The following ANKMY2 variants were observed in gnomAD, a reference collection of about 807,000 sequenced individuals.
ANKMY2 encodes ankyrin repeat and MYND domain-containing protein 2.
A neutral mutation model predicts 50.4 loss-of-function variants in ANKMY2; 36 were observed. That is an observed-to-expected ratio of 0.71 (90% CI 0.55 to 0.94). The LOEUF is 0.94. Among genes scored for constraint, ANKMY2 ranks in the 40% least tolerant of loss-of-function variants. The pLI, the probability that ANKMY2 is intolerant of heterozygous loss-of-function variation, is 0.00. For synonymous variants in ANKMY2, 187 were observed against 178.8 expected, an observed-to-expected ratio of 1.05 and a Z score of -0.36; for missense variants, 565 against 524.0, an observed-to-expected ratio of 1.08 and a Z score of -0.76.
At chr7:16,635,523 T>TA (rs1307960064) in intron 2 of ANKMY2, among the ~76,000 whole-genome samples, 18 of 152,306 alleles carry the variant, frequency 1.2e-4, no homozygotes, top group Middle Eastern at 6.8e-3. Flanking sequence ...TATACCTCAA[T>TA]AAAGCTGCTA....
chr7:16,623,099 G>T (rs1346008904), intron 4 of ANKMY2, among the ~76,000 whole-genome samples: 1 of 152,078 alleles, frequency 6.6e-6, no homozygotes, highest in Non-Finnish European at 1.5e-5. Context: ...AAGCTACAAG[G>T]AATATCTGCT....
chr7:16,610,581 A>C lies in ANKMY2; in HGVS notation c.714T>G (p.Asp238Glu). ...TCAAGGTGTCCAGTTTATTCTCTCC[A>C]TCTTTTAAGAAGTTAATGCATTTCT... ...IFQKCINFLKDGENKLDTLIK... is the reference protein window; with the variant it reads ...IFQKCINFLKEGENKLDTLIK... The change falls in exon 6 of 10, where the codon GAT (aspartate) becomes GAG (glutamate). Residue 238 changes from aspartate to glutamate, a missense_variant. Coordinates refer to ENST00000306999, the MANE Select transcript of ANKMY2 (RefSeq NM_020319.3). The C allele has an allele frequency of 6.2e-7, 1 of 1,613,792 alleles. No homozygotes were observed. The highest frequency in any genetic ancestry group is 1.1e-5 in the South Asian group (1 of 91,040).
chr7:16,643,864 C>T (rs75258013), intron 1 of ANKMY2, among the ~76,000 whole-genome samples: 1 of 100,244 alleles, frequency 1.0e-5, no homozygotes, highest in African/African-American at 3.8e-5. Context: ...CCCATCTCTA[C>T]AAAAAAAAAA....
chr7:16,636,780 G>C (rs1358590749), intron 1 of ANKMY2, among the ~76,000 whole-genome samples: 2 of 151,998 alleles, frequency 1.3e-5, no homozygotes, highest in Admixed American at 1.3e-4. Flanking sequence ...AAATCTTAAA[G>C]GGTATCTAAT....
intron 1 of ANKMY2, chr7:16,644,641 C>A (rs1227047993): frequency 4.3e-6 from 2 of 470,180 alleles, no homozygotes; most frequent in South Asian, 1.6e-5. Context: ...ACCATCCCTG[C>A]ACCGTGAGGG....
chr7:16,613,947 A>G (rs1425925585), intron 5 of ANKMY2, among the ~76,000 whole-genome samples: 2 of 151,432 alleles, frequency 1.3e-5, no homozygotes, highest in African/African-American at 4.9e-5. Flanking sequence ...AAAATTCCAC[A>G]AACCCTTACT....
At chr7:16,627,211 T>C (rs762950537) in intron 2 of ANKMY2, 33 bp from the exon 3 acceptor site, 1 of 1,485,568 alleles carries the variant, frequency 6.7e-7, no homozygotes, top group South Asian at 1.2e-5. Flanking sequence ...GTATTAATTT[T>C]ACTGTTTTAT....
chr7:16,601,640 T>C (rs960968132), intron 9 of ANKMY2, among the ~76,000 whole-genome samples: 3 of 152,226 alleles, frequency 2.0e-5, no homozygotes, highest in African/African-American at 7.2e-5. Flanking sequence ...GTAAAGCGGA[T>C]ATGGTTCCTT....
Position 16,600,733 on chromosome 7 carries a change from T to A in ANKMY2, c.*28A>T, listed in dbSNP as rs543387. 3 of 1,575,490 alleles carry A rather than the reference T, an allele frequency of 1.9e-6. No homozygotes were observed. The highest frequency in any genetic ancestry group is 1.2e-5 in the South Asian group (1 of 84,826). ...TTTCCAGCTTCTTGCAGGGTGAGGA[T>A]CATCCACACTGGCACTTGCTCTGGC... On this transcript the variant is annotated 3_prime_UTR_variant, in exon 10 of 10. Transcript: ENST00000306999.
intron 2 of ANKMY2, among the ~76,000 whole-genome samples, chr7:16,632,594 T>C (rs1374400900): frequency 3.3e-5 from 5 of 152,246 alleles, no homozygotes; most frequent in Non-Finnish European, 5.9e-5. Context: ...ATTTCTTTCA[T>C]CTTTGTAACT....
chr7:16,631,083 A>G (rs554472752), intron 2 of ANKMY2, among the ~76,000 whole-genome samples: 1 of 152,360 alleles, frequency 6.6e-6, no homozygotes, highest in African/African-American at 2.4e-5. Flanking sequence ...ATCAGGTTAC[A>G]GAAGAGTCAT....
intron 5 of ANKMY2, among the ~76,000 whole-genome samples, chr7:16,611,637 C>A (rs1303326007): frequency 6.6e-6 from 1 of 152,162 alleles, no homozygotes; most frequent in East Asian, 1.9e-4. Context: ...CACTTCCAAG[C>A]CAAAGACAGT....
intron 8 of ANKMY2, among the ~76,000 whole-genome samples, chr7:16,603,359 T>C (rs1174581858): frequency 6.6e-6 from 1 of 152,182 alleles, no homozygotes; most frequent in Non-Finnish European, 1.5e-5. Flanking sequence ...TCACTCTAGC[T>C]GTGGTGAGTC....
At chr7:16,632,061 C>T (rs569211914) in intron 2 of ANKMY2, among the ~76,000 whole-genome samples, 2 of 151,378 alleles carry the variant, frequency 1.3e-5, no homozygotes, top group African/African-American at 2.4e-5. Context: ...CCCTCCCTCC[C>T]TCCTTCTCTT....
chr7:16,632,477 G>A (rs1257585995), intron 2 of ANKMY2, among the ~76,000 whole-genome samples: 1 of 151,896 alleles, frequency 6.6e-6, no homozygotes, highest in Non-Finnish European at 1.5e-5. Context: ...GCCTATTTTT[G>A]GTATTTTGTA....
chr7:16,612,613 T>A (rs527685177), intron 5 of ANKMY2, among the ~76,000 whole-genome samples: 1 of 152,182 alleles, frequency 6.6e-6, no homozygotes, highest in African/African-American at 2.4e-5. Context: ...AAGTGAGAAT[T>A]CTTTCAAAAA....
intron 2 of ANKMY2, among the ~76,000 whole-genome samples, chr7:16,633,769 T>G (rs1371864329): frequency 1.3e-5 from 2 of 152,180 alleles, no homozygotes; most frequent in African/African-American, 4.8e-5. Context: ...TTAATTGGGT[T>G]GTCCAAATTT....
intron 2 of ANKMY2, among the ~76,000 whole-genome samples, chr7:16,632,740 GAT>G (rs1397499336): frequency 6.6e-6 from 1 of 152,164 alleles, no homozygotes. Context: ...ATTTTGTGTG[GAT>G]ATATGTTTTC....
chr7:16,629,982 G>T (rs1485596162), intron 2 of ANKMY2, among the ~76,000 whole-genome samples: 2 of 152,022 alleles, frequency 1.3e-5, no homozygotes, highest in Non-Finnish European at 2.9e-5. Flanking sequence ...TAGTATTTCA[G>T]TGTAAATATC....
Sources: gnomAD v4.1 joint callset for allele counts (sites outside exome capture counted in the v4.1 genomes callset) on GRCh38, gnomAD v4.1.1 for gene constraint, MANE v1.5 for transcripts, NCBI Gene and HGNC (gene_info 2026-07-23, HGNC 2026-07-21) for gene names.